FARS2: variants seen among roughly 807,000 people sequenced by gnomAD.
FARS2 encodes the protein phenylalanine--tRNA ligase, mitochondrial.
Under a neutral mutation model 46.4 loss-of-function variants are expected in FARS2, and 40 were observed. The ratio of observed to expected loss-of-function variants is 0.86; its 90% CI spans 0.67 to 1.12. The LOEUF is 1.12. Among genes scored for constraint, FARS2 ranks in the 50% most tolerant of loss-of-function variants. The probability of loss-of-function intolerance (pLI) is 0.00; values close to 1 mark genes in which losing one functional copy is unlikely to be tolerated. For synonymous variants in FARS2, 234 were observed against 214.9 expected, an observed-to-expected ratio of 1.09 and a Z score of -0.78; for missense variants, 513 against 567.9, an observed-to-expected ratio of 0.90 and a Z score of 0.98.
At chr6:5,326,007 T>C (rs745422456) in intron 1 of FARS2, among the ~76,000 whole-genome samples, 2 of 152,204 alleles carry the variant, frequency 1.3e-5, no homozygotes, top group African/African-American at 2.4e-5. Flanking sequence ...TCTCATATAT[T>C]GTTAATGGGG....
chr6:5,711,079 C>A lies in FARS2; in HGVS notation c.1218-60212C>A, dbSNP rs552909386. ...TGCAGTAATAATATAATACAAATATCTCATAATGCCAGAAAATAAGAAAGT... is the reference window on the plus strand; with the variant it reads ...TGCAGTAATAATATAATACAAATATATCATAATGCCAGAAAATAAGAAAGT... On this transcript the variant is annotated intron_variant, in intron 6 of 6. Transcript: ENST00000274680. Among the ~76,000 whole-genome samples, 26 of 152,178 alleles carry A rather than the reference C, an allele frequency of 1.7e-4. 1 individual carries two copies. In the South Asian group the frequency reaches 4.2e-3, roughly 24 times the overall value.
At chr6:5,319,076 T>G (rs1452467159) in intron 1 of FARS2, among the ~76,000 whole-genome samples, 7 of 152,100 alleles carry the variant, frequency 4.6e-5, no homozygotes, top group Non-Finnish European at 1.0e-4. Flanking sequence ...TGAGAGTAGA[T>G]AGCTATCCAG....
intron 6 of FARS2, among the ~76,000 whole-genome samples, chr6:5,768,857 T>C (rs2150987423): frequency 6.6e-6 from 1 of 152,348 alleles, no homozygotes; most frequent in South Asian, 2.1e-4. Context: ...AAGAGTTCTT[T>C]GTATATTCTA....
At chr6:5,251,545 G>A in the FARS2 span, among the ~76,000 whole-genome samples, 3 of 152,090 alleles carry the variant, frequency 2.0e-5, no homozygotes, top group African/African-American at 7.2e-5. Context: ...GGAAGGAGAT[G>A]CCACATACTT....
At chr6:5,271,639 T>G (rs1310203032) in intron 1 of FARS2, among the ~76,000 whole-genome samples, 3 of 138,098 alleles carry the variant, frequency 2.2e-5, no homozygotes, top group African/African-American at 8.3e-5. Flanking sequence ...CTTGGCTCAC[T>G]GCAACCTCCG....
chr6:5,289,408 G>T (rs1767350229), intron 1 of FARS2, among the ~76,000 whole-genome samples: 2 of 152,218 alleles, frequency 1.3e-5, no homozygotes. Flanking sequence ...GAAAGTACAT[G>T]CCACAGAATG....
At chr6:5,260,674 G>C, upstream of FARS2, 1 of 1,548,558 alleles carries the variant, frequency 6.5e-7, no homozygotes, top group South Asian at 1.2e-5. Flanking sequence ...TGAAACGCTT[G>C]CTCTCTCTCA....
In FARS2 at chr6:5,630,580, G is replaced by A. The variant is rs530612399; in HGVS notation, c.1217+17260G>A. Among the ~76,000 whole-genome samples the A allele has an allele frequency of 1.3e-5, 2 of 152,312 alleles. No homozygotes were observed. Among genetic ancestry groups the A allele is most frequent in the Admixed American group, 6.5e-5 (1 of 15,292 alleles). On this transcript the variant is annotated intron_variant, in intron 6 of 6. Coordinates refer to ENST00000274680, the MANE Select transcript of FARS2 (RefSeq NM_006567.5). The surrounding 1 kb of genome is among the most constrained non-coding windows in gnomAD (Gnocchi z 4.2). ...CTTCATACTTATGTGTCTGGTAATA[G>A]GCATTTGAAATAATACTGCAGGGAA...
intron 6 of FARS2, among the ~76,000 whole-genome samples, chr6:5,716,870 T>TC (rs535068267): frequency 3.7e-4 from 56 of 152,306 alleles, no homozygotes; most frequent in African/African-American, 1.3e-3. Flanking sequence ...TCCAGGAACC[T>TC]CCACATGCTC....
intron 6 of FARS2, among the ~76,000 whole-genome samples, chr6:5,705,273 A>G (rs1235751774): frequency 2.0e-5 from 3 of 152,250 alleles, no homozygotes; most frequent in Admixed American, 2.0e-4. Flanking sequence ...GTAGCGAAAT[A>G]TTAGAAAATC....
intron 6 of FARS2, among the ~76,000 whole-genome samples, chr6:5,651,340 GT>G (rs1469922401): frequency 6.6e-6 from 1 of 152,202 alleles, no homozygotes; most frequent in African/African-American, 2.4e-5. Context: ...TTGAAAATGT[GT>G]TTGAGGAGCA....
intron 1 of FARS2, among the ~76,000 whole-genome samples, chr6:5,328,838 T>C (rs1034892748): frequency 1.3e-5 from 2 of 152,214 alleles, no homozygotes; most frequent in African/African-American, 4.8e-5. Context: ...TGGAACCTTC[T>C]GCTTTTAACC....
intron 1 of FARS2, among the ~76,000 whole-genome samples, chr6:5,304,536 G>C (rs755245454): frequency 1.4e-4 from 21 of 152,198 alleles, no homozygotes; most frequent in East Asian, 1.9e-4. Context: ...TTCCAGAAGA[G>C]TGGAGGCAAT....
At chr6:5,501,886 T>C (rs373482569) in intron 4 of FARS2, among the ~76,000 whole-genome samples, 3 of 152,354 alleles carry the variant, frequency 2.0e-5, no homozygotes, top group East Asian at 3.9e-4. Flanking sequence ...TCCTTTGAGC[T>C]TGCCTGCCCC....
At chr6:5,659,402 A>G (rs1777746252) in intron 6 of FARS2, among the ~76,000 whole-genome samples, 1 of 152,234 alleles carries the variant, frequency 6.6e-6, no homozygotes, top group Admixed American at 6.5e-5. Flanking sequence ...AAATAAAAAA[A>G]GGCCCTGCCA....
chr6:5,766,676 T>G (rs1453651764), intron 6 of FARS2, among the ~76,000 whole-genome samples: 2 of 152,196 alleles, frequency 1.3e-5, no homozygotes, highest in African/African-American at 2.4e-5. Context: ...TGAGGAAAAA[T>G]TGACATAACA....
intron 4 of FARS2, among the ~76,000 whole-genome samples, chr6:5,488,850 G>A (rs1018665563): frequency 1.3e-5 from 2 of 152,058 alleles, no homozygotes; most frequent in African/African-American, 4.8e-5. Context: ...ACATGTACAT[G>A]CCTGTTTCTT....
chr6:5,641,797 G>A (rs781668607), intron 6 of FARS2, among the ~76,000 whole-genome samples: 9 of 152,132 alleles, frequency 5.9e-5, no homozygotes, highest in East Asian at 1.9e-4. Flanking sequence ...CTCATACACC[G>A]AGGCCTCTGG....
intron 3 of FARS2, among the ~76,000 whole-genome samples, chr6:5,405,402 G>A (rs1004164325): frequency 2.0e-5 from 3 of 151,374 alleles, no homozygotes; most frequent in Non-Finnish European, 4.4e-5. Flanking sequence ...CTCATCAATG[G>A]AGTGAAAATA....
Sources: gnomAD v4.1 joint callset for allele counts (sites outside exome capture counted in the v4.1 genomes callset) on GRCh38, gnomAD v4.1.1 for gene constraint, Gnocchi (gnomAD v3.1) non-coding constraint, MANE v1.5 for transcripts, NCBI Gene and HGNC (gene_info 2026-07-23, HGNC 2026-07-21) for gene names.